The following SPIRE1 variants were observed in gnomAD, a reference collection of about 807,000 sequenced individuals.
The protein encoded by SPIRE1 is protein spire homolog 1.
In SPIRE1, 40 loss-of-function variants were observed where a neutral mutation model predicts 94.1. The ratio of observed to expected loss-of-function variants is 0.43; its 90% confidence interval spans 0.33 to 0.55. The LOEUF (loss-of-function observed/expected upper bound fraction) is 0.55, where lower values mean the gene tolerates loss of function less well. Ranked by LOEUF, SPIRE1 falls within the 20% of genes least tolerant of loss-of-function variation. The pLI is 0.06. For synonymous variants in SPIRE1, 376 were observed against 371.7 expected (o/e 1.01, Z -0.13); for missense variants, 838 against 975.2 (o/e 0.86, Z 1.87).
intron 2 of SPIRE1, among the ~76,000 whole-genome samples, chr18:12,552,028 G>A (rs2035365740): frequency 1.3e-5 from 2 of 152,208 alleles, no homozygotes; most frequent in Admixed American, 6.5e-5. Context: ...GTGCTGTCCT[G>A]TCACAGGGGA....
At chr18:12,507,588 A>ATC (rs1397770980) in intron 5 of SPIRE1, among the ~76,000 whole-genome samples, 1 of 151,752 alleles carries the variant, frequency 6.6e-6, no homozygotes, top group Admixed American at 6.6e-5. Flanking sequence ...AATTGCAGCC[A>ATC]CTCAGGAGGC....
At chr18:12,576,394 C>A (rs1045515111) in intron 2 of SPIRE1, among the ~76,000 whole-genome samples, 1 of 151,314 alleles carries the variant, frequency 6.6e-6, no homozygotes, top group African/African-American at 2.4e-5. Context: ...CCAGCCTGGC[C>A]GACATAGCGA....
At chr18:12,477,920 C>G (rs886261515) in intron 10 of SPIRE1, among the ~76,000 whole-genome samples, 3 of 152,068 alleles carry the variant, frequency 2.0e-5, no homozygotes, top group African/African-American at 7.2e-5. Context: ...AAATTTTATT[C>G]TGTAAGTGCC....
chr18:12,621,374 A>G (rs1185885147), intron 2 of SPIRE1, among the ~76,000 whole-genome samples: 1 of 152,244 alleles, frequency 6.6e-6, no homozygotes, highest in Non-Finnish European at 1.5e-5. Flanking sequence ...TCTTAGGTAT[A>G]TATCCAAGAA....
At chr18:12,537,970 C>A (rs2034891118) in intron 3 of SPIRE1, among the ~76,000 whole-genome samples, 1 of 152,154 alleles carries the variant, frequency 6.6e-6, no homozygotes, top group Admixed American at 6.5e-5. Context: ...AAAATCCCAA[C>A]AGCCTTTCTT....
chr18:12,612,303 A>AT (rs1233765000), intron 2 of SPIRE1, among the ~76,000 whole-genome samples: 1 of 152,110 alleles, frequency 6.6e-6, no homozygotes, highest in Admixed American at 6.5e-5. Context: ...CCTGAAATTT[A>AT]TTTACATTCA....
chr18:12,504,750 C>A (rs2033775386), intron 6 of SPIRE1, among the ~76,000 whole-genome samples: 1 of 152,096 alleles, frequency 6.6e-6, no homozygotes, highest in Non-Finnish European at 1.5e-5. Flanking sequence ...CGGAAATACA[C>A]TGCAATGTCA....
chr18:12,575,965 A>G (rs1356296817), intron 2 of SPIRE1, among the ~76,000 whole-genome samples: 1 of 152,208 alleles, frequency 6.6e-6, no homozygotes, highest in African/African-American at 2.4e-5. Flanking sequence ...GCACTTCGGG[A>G]GGCCCAGGCG....
Position 12,657,567 on chromosome 18 carries a change from G to C in SPIRE1, c.300C>G (p.Pro100=). 1 of 1,236,524 alleles carries C rather than the reference G, an allele frequency of 8.1e-7. No homozygotes were observed. 76.6% of individuals were successfully genotyped at this position (1,236,524 alleles called of 1,614,324 possible). Residue 100 remains proline, a synonymous_variant, in exon 1 of 17, where the codon CCC becomes CCG. Transcript: ENST00000409402. ...VWRDGAVTLA[P]AADDAGEPPP... ...GCGGCTCTCCCGCGTCGTCGGCCGC[G>C]GGCGCCAGGGTGACGGCGCCGTCCC... is the stretch of plus-strand genomic sequence containing the variant.
chr18:12,592,495 G>A (rs933938782), intron 2 of SPIRE1, among the ~76,000 whole-genome samples: 2 of 152,144 alleles, frequency 1.3e-5, no homozygotes, highest in Admixed American at 6.5e-5. Flanking sequence ...AAAAGGAAGC[G>A]AAGGAAGGTG....
At chr18:12,500,308 G>A (rs1459239583) in intron 6 of SPIRE1, among the ~76,000 whole-genome samples, 1 of 152,104 alleles carries the variant, frequency 6.6e-6, no homozygotes, top group Non-Finnish European at 1.5e-5. Flanking sequence ...TACAAAATCT[G>A]AACAGACATT....
In SPIRE1 at chr18:12,463,468, T is replaced by C. The variant is rs767053086; in HGVS notation, c.1521A>G (p.Ser507=). 6.2e-7 allele frequency: 1 copy of C among 1,613,686 alleles called. No homozygotes were observed. Among genetic ancestry groups the C allele is most frequent in the Admixed American group, 1.7e-5 (1 of 60,000 alleles). ...GCCGTCTCTCTGGCTGGGGTGTTGA[T>C]GATATGGGCAGGAATTTTGGAGGCT... The part of the protein sequence containing the change: ...RKKPPKFLPI[S]STPQPERRQP... The change falls in exon 12 of 17, where the codon TCA becomes TCG. Residue 507 remains serine, a synonymous_variant. Transcript: ENST00000409402.
chr18:12,483,125 G>T (rs979243572), intron 9 of SPIRE1, among the ~76,000 whole-genome samples: 4 of 151,806 alleles, frequency 2.6e-5, no homozygotes, highest in South Asian at 2.1e-4. Flanking sequence ...GTATTTTTTT[G>T]TGTGTGTGCG....
At chr18:12,465,074 G>A (rs577454993) in intron 10 of SPIRE1, 116 bp from the exon 11 acceptor site, 1 of 867,172 alleles carries the variant, frequency 1.2e-6, no homozygotes, top group South Asian at 1.7e-5. Flanking sequence ...GTATGTCAAA[G>A]GTTCAAGGCA....
intron 2 of SPIRE1, among the ~76,000 whole-genome samples, chr18:12,555,407 G>A (rs2035476190): frequency 6.6e-6 from 1 of 152,052 alleles, no homozygotes; most frequent in Non-Finnish European, 1.5e-5. Context: ...GAATGTTGAT[G>A]TAAAAATTCT....
intron 4 of SPIRE1, among the ~76,000 whole-genome samples, chr18:12,532,729 T>C (rs35939870): frequency 0.095 from 14,429 of 152,228 alleles, 972 homozygotes; most frequent in Middle Eastern, 0.19. Context: ...CTAACATGTA[T>C]AAAAATGTTC....
intron 2 of SPIRE1, among the ~76,000 whole-genome samples, chr18:12,580,113 T>C (rs2036216700): frequency 1.3e-5 from 2 of 152,170 alleles, no homozygotes; most frequent in African/African-American, 4.8e-5. Context: ...CTTCTGGTTA[T>C]TTCTGAAGTA....
intron 2 of SPIRE1, among the ~76,000 whole-genome samples, chr18:12,592,251 A>T (rs565070834): frequency 6.6e-6 from 1 of 152,272 alleles, no homozygotes; most frequent in African/African-American, 2.4e-5. Context: ...CTGAGATAAT[A>T]AAGAAATTGT....
rs145989005 is a variant in SPIRE1, at chr18:12,591,579, G to A, written c.372+43483C>T. 4.5e-3 allele frequency among the ~76,000 whole-genome samples: 684 copies of A among 152,230 alleles called. 6 individuals are homozygous for A. Among genetic ancestry groups the A allele is most frequent in the African/African-American group, 0.016 (646 of 41,522 alleles). On this transcript the variant is annotated intron_variant, in intron 2 of 16. Coordinates refer to ENST00000409402, the MANE Select transcript of SPIRE1 (RefSeq NM_001128626.2). ...TGCTGATGAGAAATGGGCAGTTTCC[G>A]GCTACCATTTCAAAGCACAACCAAA... is the stretch of plus-strand genomic sequence containing the variant.
Sources: gnomAD v4.1 joint callset for allele counts (sites outside exome capture counted in the v4.1 genomes callset) on GRCh38, gnomAD v4.1.1 for gene constraint, MANE v1.5 for transcripts, NCBI Gene and HGNC (gene_info 2026-07-23, HGNC 2026-07-21) for gene names.